The following LAMA2 variants were observed in gnomAD, a reference collection of about 807,000 sequenced individuals.
LAMA2 encodes the protein laminin subunit alpha-2.
A neutral mutation model predicts 364.8 loss-of-function variants in LAMA2; 269 were observed. The ratio of observed to expected loss-of-function variants is 0.74; its 90% confidence interval spans 0.67 to 0.82. The LOEUF is 0.82. Ranked by LOEUF, LAMA2 falls within the 40% of genes least tolerant of loss-of-function variation. LAMA2 has a pLI of 0.00. For missense variants in LAMA2, 3,807 were observed against 3,873.2 expected (o/e 0.98, Z 0.45); for synonymous variants, 1,379 against 1,370.6 (o/e 1.01, Z -0.14).
chr6:129,124,411 C>A (rs1776992153), intron 4 of LAMA2, among the ~76,000 whole-genome samples: 1 of 152,122 alleles, frequency 6.6e-6, no homozygotes, highest in African/African-American at 2.4e-5. Context: ...TATTTACCAC[C>A]CATAAGAAAA....
At chr6:128,960,248 C>T (rs1458394489) in intron 1 of LAMA2, among the ~76,000 whole-genome samples, 1 of 150,706 alleles carries the variant, frequency 6.6e-6, no homozygotes, top group Admixed American at 6.6e-5. Context: ...TGTTATTTAT[C>T]TATGGAACTC....
At chr6:128,942,915 T>C (rs960433898) in intron 1 of LAMA2, among the ~76,000 whole-genome samples, 1 of 152,184 alleles carries the variant, frequency 6.6e-6, no homozygotes, top group African/African-American at 2.4e-5. Context: ...GTGTGACTGC[T>C]CCAATCGTAG....
rs1212920450 is a variant in LAMA2, at chr6:128,987,143, T to TG, written c.113-62775_113-62774insG. 5.5e-4 allele frequency among the ~76,000 whole-genome samples: 69 copies of TG among 125,490 alleles called. 1 individual carries two copies. The highest frequency in any genetic ancestry group is 1.3e-3 in the African/African-American group (40 of 30,982). The allele number at this position is 125,490 out of a possible 152,430, so 82.3% of individuals were successfully genotyped here. The stretch of plus-strand genomic sequence containing the variant: ...GATAGTTTGTTTTTTTTTTTTTGTT[T>TG]TTTTTTTTTTTTTGAGGCAGAGTCT... On this transcript the variant is annotated intron_variant, in intron 1 of 64. Coordinates refer to ENST00000421865, the MANE Select transcript of LAMA2 (RefSeq NM_000426.4).
At chr6:129,434,351 AG>A (rs1562560673) in intron 41 of LAMA2, among the ~76,000 whole-genome samples, 1 of 152,120 alleles carries the variant, frequency 6.6e-6, no homozygotes, top group Non-Finnish European at 1.5e-5. Flanking sequence ...AACTAATTCT[AG>A]CACATTTTTC....
chr6:128,941,665 C>G (rs1471509204), intron 1 of LAMA2, among the ~76,000 whole-genome samples: 1 of 151,800 alleles, frequency 6.6e-6, no homozygotes, highest in Admixed American at 6.6e-5. Context: ...TAGATGTGCT[C>G]AGAACTAAAA....
chr6:129,028,496 GT>G (rs1254356392), intron 1 of LAMA2, among the ~76,000 whole-genome samples: 2 of 151,766 alleles, frequency 1.3e-5, no homozygotes, highest in African/African-American at 4.8e-5. Flanking sequence ...TTTCAAGCTT[GT>G]TTCATTTCTC....
At chr6:129,356,553 T>C (rs909848448) in intron 32 of LAMA2, among the ~76,000 whole-genome samples, 3 of 152,088 alleles carry the variant, frequency 2.0e-5, no homozygotes, top group Non-Finnish European at 4.4e-5. Context: ...CTCAGTGACT[T>C]TTCAGTAGAT....
rs145266584 is a variant in LAMA2, at chr6:128,981,579, C to CA, written c.113-68316dup. On this transcript the variant is annotated intron_variant, in intron 1 of 64. Coordinates refer to ENST00000421865, the MANE Select transcript of LAMA2 (RefSeq NM_000426.4). ...GCAATATGCGAAACCCCATCTCTAC[C>CA]AAAAAAAAAAAAAAAAAAAAAAATT... is the stretch of plus-strand genomic sequence containing the variant. 7.8e-3 allele frequency among the ~76,000 whole-genome samples: 933 copies of CA among 119,408 alleles called. 2 individuals carry two copies. Among genetic ancestry groups the CA allele is most frequent in the African/African-American group, 0.018 (562 of 30,422 alleles). The allele number at this position is 119,408 out of a possible 152,430, so 78.3% of individuals were successfully genotyped here.
chr6:129,377,081 A>G (rs1778413781), intron 34 of LAMA2, among the ~76,000 whole-genome samples: 1 of 152,126 alleles, frequency 6.6e-6, no homozygotes, highest in Admixed American at 6.5e-5. Context: ...TCAGGCATAT[A>G]TTTATAATTA....
chr6:129,093,857 C>T (rs1165132015), intron 3 of LAMA2, among the ~76,000 whole-genome samples: 1 of 152,164 alleles, frequency 6.6e-6, no homozygotes, highest in Non-Finnish European at 1.5e-5. Context: ...ACAGAAAAGA[C>T]ACTTGGATAT....
At position 129,252,233 on chromosome 6, in the gene LAMA2, T is replaced by C. The variant is rs769577654; in HGVS notation, c.2034T>C (p.Leu678=). The C allele has an allele frequency of 6.2e-7, 1 of 1,614,104 alleles. No individual in the cohort carries two copies. Reference sequence around the variant, plus strand: ...GTAGAAAGGAATTTATGACAGTGCTTGCGAATTTGAAGAGAGTCCTCCTAC... The same window carrying C: ...GTAGAAAGGAATTTATGACAGTGCTCGCGAATTTGAAGAGAGTCCTCCTAC... ...PVRRKEFMTV[L]ANLKRVLLQI... The change falls in exon 14 of 65, where the codon CTT becomes CTC. Residue 678 remains leucine (L), a synonymous_variant. Coordinates refer to ENST00000421865, the MANE Select transcript of LAMA2 (RefSeq NM_000426.4).
rs771790919 is a variant in LAMA2, at chr6:129,050,108, G to A, written c.283+20G>A. 1 of 1,613,594 alleles carries A rather than the reference G, an allele frequency of 6.2e-7. No individual in the cohort carries two copies. The highest frequency in any genetic ancestry group is 8.5e-7 in the Non-Finnish European group (1 of 1,179,542). On this transcript the variant is annotated intron_variant, in intron 2 of 64. Coordinates refer to ENST00000421865, the MANE Select transcript of LAMA2 (RefSeq NM_000426.4). ...CAAACCGTATGTATTTTAGTGTGTA[G>A]GTGTGTGGCGCTGGGTAGGATCTAT...
chr6:129,171,252 GC>G (rs1780132064), intron 9 of LAMA2, among the ~76,000 whole-genome samples: 1 of 152,160 alleles, frequency 6.6e-6, no homozygotes, highest in Non-Finnish European at 1.5e-5. Context: ...GTTAGTTGAT[GC>G]AGTTTCTTCC....
intron 1 of LAMA2, among the ~76,000 whole-genome samples, chr6:129,030,273 C>T (rs961228729): frequency 2.2e-4 from 34 of 151,980 alleles, no homozygotes; most frequent in Admixed American, 6.6e-4. Flanking sequence ...AAAAATTATG[C>T]AGAAGTTCTA....
intron 1 of LAMA2, among the ~76,000 whole-genome samples, chr6:128,897,904 C>T (rs558157184): frequency 3.9e-5 from 6 of 152,226 alleles, no homozygotes; most frequent in Non-Finnish European, 7.4e-5. Context: ...CACAAAGCAG[C>T]GCAGCACTTT....
Position 129,297,870 on chromosome 6 carries a change from G to A in LAMA2, c.3037+5G>A, listed in dbSNP as rs2114451628. 1 of 1,612,228 alleles carries A rather than the reference G, an allele frequency of 6.2e-7. No homozygotes were observed. Among genetic ancestry groups the A allele is most frequent in the South Asian group, 1.1e-5 (1 of 90,764 alleles). ...TCCAAGAAGGAGGCTGCACAGGTCT[G>A]TAAATATGACTTAAGTCCTACATAT... On this transcript the variant is annotated splice_donor_5th_base_variant and intron_variant, in intron 21 of 64. Transcript: ENST00000421865.
intron 56 of LAMA2, among the ~76,000 whole-genome samples, chr6:129,489,927 T>C (rs1784777359): frequency 1.2e-5 from 1 of 85,342 alleles, no homozygotes; most frequent in Non-Finnish European, 3.0e-5. Flanking sequence ...CCACTGAAAC[T>C]GTAAAAAAAA....
At chr6:129,051,238 G>A (rs1429072171) in intron 2 of LAMA2, among the ~76,000 whole-genome samples, 1 of 147,368 alleles carries the variant, frequency 6.8e-6, no homozygotes, top group African/African-American at 2.5e-5. Flanking sequence ...ATACTTATAT[G>A]TAATCTACAT....
chr6:129,461,849 T>TCC (rs1259154829), intron 49 of LAMA2, among the ~76,000 whole-genome samples: 1 of 151,894 alleles, frequency 6.6e-6, no homozygotes, highest in Non-Finnish European at 1.5e-5. Context: ...TACAGCCTAG[T>TCC]CCTAGCCATG....
Sources: allele counts gnomAD v4.1 joint callset (sites outside exome capture counted in the v4.1 genomes callset), GRCh38; gene constraint gnomAD v4.1.1; transcripts MANE v1.5; gene names NCBI Gene and HGNC (gene_info 2026-07-23, HGNC 2026-07-21).